RYR2: variants seen among roughly 807,000 people sequenced by gnomAD.
The protein encoded by RYR2 is ryanodine receptor 2.
In RYR2, 227 loss-of-function variants were observed where a neutral mutation model predicts 601.1. That is an observed-to-expected ratio of 0.38 (90% CI 0.34 to 0.42). RYR2 has a LOEUF of 0.42. Ranked by LOEUF, RYR2 falls within the 10% of genes least tolerant of loss-of-function variation. RYR2 has a pLI of 1.00. For missense variants in RYR2, 4,646 were observed against 6,156.5 expected, an observed-to-expected ratio of 0.75 and a Z score of 8.21; for synonymous variants, 2,223 against 2,175.1, an observed-to-expected ratio of 1.02 and a Z score of -0.61.
intron 19 of RYR2, among the ~76,000 whole-genome samples, chr1:237,494,915 T>C (rs955157534): frequency 3.0e-4 from 46 of 152,112 alleles, no homozygotes; most frequent in Non-Finnish European, 5.9e-4. Flanking sequence ...CTCAGCCTCC[T>C]GAGTAGCTGG....
intron 29 of RYR2, among the ~76,000 whole-genome samples, chr1:237,573,051 T>G (rs374484119): frequency 2.6e-5 from 4 of 152,212 alleles, no homozygotes; most frequent in Admixed American, 1.3e-4. Context: ...TGGTCTATTT[T>G]AAATTTTTCT....
chr1:237,648,358 A>G, intron 48 of RYR2, 86 bp from the exon 49 acceptor site: 1 of 1,162,186 alleles, frequency 8.6e-7, no homozygotes, highest in South Asian at 2.5e-5. Flanking sequence ...TGTGTTTAAA[A>G]TGTAAGAAGT....
chr1:237,059,255 C>A (rs1662555737), intron 1 of RYR2, among the ~76,000 whole-genome samples: 1 of 152,084 alleles, frequency 6.6e-6, no homozygotes, highest in African/African-American at 2.4e-5. Context: ...ACTTTAAAAT[C>A]TCGGGGTTAA....
chr1:237,191,852 C>T (rs1679998207), intron 1 of RYR2, among the ~76,000 whole-genome samples: 2 of 152,156 alleles, frequency 1.3e-5, no homozygotes, highest in Admixed American at 1.3e-4. Flanking sequence ...GATAGGAGCT[C>T]TCTGTTTTTG....
At chr1:237,549,403 C>A (rs906351668) in intron 26 of RYR2, among the ~76,000 whole-genome samples, 1 of 151,752 alleles carries the variant, frequency 6.6e-6, no homozygotes, top group East Asian at 1.9e-4. Context: ...AGTGAGAGAC[C>A]GTCTCTACAA....
chr1:237,758,664 C>T (rs1440061546), intron 82 of RYR2, among the ~76,000 whole-genome samples: 1 of 152,184 alleles, frequency 6.6e-6, no homozygotes, highest in Non-Finnish European at 1.5e-5. Flanking sequence ...AAAATTTAGT[C>T]TGCTTAACTG....
chr1:237,690,556 T>G (rs556366351), intron 63 of RYR2, among the ~76,000 whole-genome samples: 1 of 152,308 alleles, frequency 6.6e-6, no homozygotes, highest in African/African-American at 2.4e-5. Context: ...CTAGTAGACT[T>G]AGCCCTTTAA....
chr1:237,069,836 C>T (rs1338420880), intron 1 of RYR2, among the ~76,000 whole-genome samples: 1 of 151,984 alleles, frequency 6.6e-6, no homozygotes, highest in Admixed American at 6.6e-5. Context: ...ACTGTTTTTC[C>T]CTAACAATTG....
rs1291509680 is a variant in RYR2, at chr1:237,833,573, T to G, written c.*926T>G. 1 of 152,602 alleles carries G rather than the reference T, an allele frequency of 6.6e-6. No individual in the cohort carries two copies. Among genetic ancestry groups the G allele is most frequent in the Non-Finnish European group, 1.5e-5 (1 of 68,040 alleles). 9.5% of individuals were successfully genotyped at this position (152,602 alleles called of 1,614,324 possible). On this transcript the variant is annotated 3_prime_UTR_variant, in exon 105 of 105. Transcript: ENST00000366574. Reference sequence around the variant, plus strand: ...AACGTGAGAGAAATTTCATGATAATTATTCATAGTAATAAAGTGTCGTGGG... The same window carrying G: ...AACGTGAGAGAAATTTCATGATAATGATTCATAGTAATAAAGTGTCGTGGG...
At chr1:237,228,715 G>A (rs1684660458) in intron 1 of RYR2, among the ~76,000 whole-genome samples, 3 of 152,022 alleles carry the variant, frequency 2.0e-5, no homozygotes, top group African/African-American at 4.8e-5. Flanking sequence ...TAACCTTTCT[G>A]TGCCTTGCTT....
Position 237,284,680 on chromosome 1 carries a change from ATG to A in RYR2, c.168+14066_168+14067del, listed in dbSNP as rs1558554581. Among the ~76,000 whole-genome samples, 117 of 134,176 alleles carry A rather than the reference ATG, an allele frequency of 8.7e-4. 1 individual carries two copies. The highest frequency in any genetic ancestry group is 2.4e-3 in the African/African-American group (94 of 38,886). The allele number at this position is 134,176 out of a possible 152,430, so 88.0% of individuals were successfully genotyped here. A position where few individuals can be genotyped will look rare whatever the true frequency, so the allele number is the denominator to read the frequency against. On this transcript the variant is annotated intron_variant, in intron 2 of 104. Transcript: ENST00000366574. ...TATATTCCACCATATATATATATAT[ATG>A]TACACACACACACACCCATAAACAC...
rs575538477 is a variant in RYR2 at position 237,748,296 on chromosome 1, T to C, written c.11145+5947T>C. On this transcript the variant is annotated intron_variant, in intron 80 of 104. Coordinates refer to ENST00000366574, the MANE Select transcript of RYR2 (RefSeq NM_001035.3). Reference sequence around the variant, plus strand: ...CCATATGCATTACAGAACAGAACAGTGCCTCCCCGGGGAAGGAGGATAGGC... The same window carrying C: ...CCATATGCATTACAGAACAGAACAGCGCCTCCCCGGGGAAGGAGGATAGGC... 2.0e-3 allele frequency among the ~76,000 whole-genome samples: 307 copies of C among 151,344 alleles called. 1 individual carries two copies. The highest frequency in any genetic ancestry group is 6.6e-3 in the African/African-American group (273 of 41,520).
chr1:237,631,900 T>C (rs1242043787), intron 42 of RYR2, among the ~76,000 whole-genome samples: 1 of 151,990 alleles, frequency 6.6e-6, no homozygotes, highest in Non-Finnish European at 1.5e-5. Flanking sequence ...CCCGAAGTGC[T>C]GGGATTACAG....
chr1:237,656,798 A>T (rs1256868378), intron 53 of RYR2, among the ~76,000 whole-genome samples: 1 of 152,126 alleles, frequency 6.6e-6, no homozygotes, highest in East Asian at 1.9e-4. Context: ...TTTCAACCTG[A>T]GTGGTATGCC....
Position 237,395,533 on chromosome 1 carries a change from C to CTTTTTTTT in RYR2, c.773+7374_773+7381dup, listed in dbSNP as rs71180022. 4.5e-3 allele frequency among the ~76,000 whole-genome samples: 393 copies of CTTTTTTTT among 87,418 alleles called. 22 individuals carry two copies. Among genetic ancestry groups the CTTTTTTTT allele is most frequent in the Non-Finnish European group, 6.7e-3 (311 of 46,736 alleles). The allele number at this position is 87,418 out of a possible 152,430, so 57.3% of individuals were successfully genotyped here. A position where few individuals can be genotyped will look rare whatever the true frequency, so the allele number is the denominator to read the frequency against. On this transcript the variant is annotated intron_variant, in intron 10 of 104. Transcript: ENST00000366574. ...AGGACACGTCCGCTAGTAGGACTGT[C>CTTTTTTTT]TTTTTTTTTTTTTTTTTTTTTTTTT...
chr1:237,273,442 G>T (rs1458087627), intron 2 of RYR2, among the ~76,000 whole-genome samples: 5 of 152,146 alleles, frequency 3.3e-5, no homozygotes, highest in Non-Finnish European at 7.4e-5. Context: ...CAGGGGTTGG[G>T]GACCCCTGCC....
intron 1 of RYR2, among the ~76,000 whole-genome samples, chr1:237,050,741 C>T (rs1661155706): frequency 1.3e-5 from 2 of 152,110 alleles, no homozygotes; most frequent in South Asian, 2.1e-4. Context: ...AGAAAGCTTA[C>T]AGGAAAAATG....
chr1:237,557,608 GA>G (rs1671038853), intron 27 of RYR2, among the ~76,000 whole-genome samples: 2 of 151,734 alleles, frequency 1.3e-5, no homozygotes, highest in East Asian at 3.9e-4. Context: ...GGCTCTTTAG[GA>G]AAAAGGCTGA....
chr1:237,383,197 G>A (rs1182528670), intron 8 of RYR2, among the ~76,000 whole-genome samples: 4 of 151,768 alleles, frequency 2.6e-5, no homozygotes, highest in African/African-American at 4.8e-5. Flanking sequence ...AAATAAATAC[G>A]TAGGATAACA....
Sources: allele counts gnomAD v4.1 joint callset (sites outside exome capture counted in the v4.1 genomes callset), GRCh38; gene constraint gnomAD v4.1.1; transcripts MANE v1.5; gene names NCBI Gene and HGNC (gene_info 2026-07-23, HGNC 2026-07-21).